Variants in MDGA2 observed in about 807,000 individuals in gnomAD.
MDGA2 encodes MAM domain containing glycosylphosphatidylinositol anchor 2.
In MDGA2, 40 loss-of-function variants were observed where a neutral mutation model predicts 117.8. The ratio of observed to expected loss-of-function variants is 0.34; its 90% CI spans 0.26 to 0.44. The LOEUF (loss-of-function observed/expected upper bound fraction) is 0.44. Among genes scored for constraint, MDGA2 ranks in the 20% least tolerant of loss-of-function variants. The pLI, the probability that MDGA2 is intolerant of heterozygous loss-of-function variation, is 1.00. For missense variants in MDGA2, 1,123 were observed against 1,250.6 expected (o/e 0.90, Z 1.54); for synonymous variants, 452 against 439.0 (o/e 1.03, Z -0.37).
intron 1 of MDGA2, among the ~76,000 whole-genome samples, chr14:47,560,746 A>G (rs983945603): frequency 2.6e-5 from 4 of 152,124 alleles, no homozygotes; most frequent in African/African-American, 9.7e-5. Context: ...TTTTGTTGAA[A>G]TTGCTTTTGG....
intron 5 of MDGA2, among the ~76,000 whole-genome samples, chr14:47,099,563 G>C (rs1454893266): frequency 2.6e-5 from 4 of 151,784 alleles, no homozygotes; most frequent in Admixed American, 2.6e-4. Context: ...ATATTACCTT[G>C]TATATTAGCC....
intron 6 of MDGA2, among the ~76,000 whole-genome samples, chr14:47,091,728 G>A (rs998881514): frequency 2.7e-5 from 4 of 147,806 alleles, no homozygotes; most frequent in African/African-American, 1.0e-4. Context: ...ATGTGTCTGA[G>A]TTCTAGTCAA....
At chr14:46,874,725 T>C (rs1404256657) in intron 12 of MDGA2, among the ~76,000 whole-genome samples, 1 of 151,888 alleles carries the variant, frequency 6.6e-6, no homozygotes, top group African/African-American at 2.4e-5. Flanking sequence ...AAAGTATTTA[T>C]CCTTCCTACT....
intron 1 of MDGA2, among the ~76,000 whole-genome samples, chr14:47,500,541 T>C (rs973298257): frequency 1.3e-5 from 2 of 151,952 alleles, no homozygotes; most frequent in African/African-American, 2.4e-5. Flanking sequence ...CCCAGAGAAA[T>C]AGCTGACTTT....
intron 1 of MDGA2, among the ~76,000 whole-genome samples, chr14:47,371,173 A>G (rs1891350271): frequency 6.6e-6 from 1 of 151,854 alleles, no homozygotes; most frequent in South Asian, 2.1e-4. Context: ...CTGCTAGGAC[A>G]TGCGATTTTG....
intron 5 of MDGA2, among the ~76,000 whole-genome samples, chr14:47,129,536 A>G (rs531510380): frequency 1.2e-4 from 17 of 143,522 alleles, no homozygotes; most frequent in African/African-American, 3.6e-4. Context: ...ATTGTGAATA[A>G]TGCCGCAATA....
At chr14:47,306,162 G>A (rs1339014252) in intron 1 of MDGA2, 1 of 152,234 alleles carries the variant, frequency 6.6e-6, no homozygotes, top group Non-Finnish European at 1.5e-5. Flanking sequence ...GATAATGGAG[G>A]AGAGATGCAT....
At chr14:46,873,310 T>A in intron 14 of MDGA2, 123 bp downstream of exon 14, 1 of 826,082 alleles carries the variant, frequency 1.2e-6, no homozygotes, top group Non-Finnish European at 1.7e-6. Context: ...TGCAGATAAA[T>A]CATTTAAAAA....
chr14:47,626,595 T>A (rs1420545297), intron 1 of MDGA2: 4 of 152,344 alleles, frequency 2.6e-5, no homozygotes, highest in Non-Finnish European at 5.9e-5. Context: ...CGCCCGGCGC[T>A]TGCGGGCCAG....
chr14:46,988,145 T>G (rs751651495), intron 8 of MDGA2, among the ~76,000 whole-genome samples: 2 of 151,852 alleles, frequency 1.3e-5, no homozygotes, highest in Non-Finnish European at 2.9e-5. Flanking sequence ...ATGAGAAGGG[T>G]TGTATTTTTT....
chr14:47,007,661 C>T (rs1442104826), intron 8 of MDGA2, among the ~76,000 whole-genome samples: 1 of 151,594 alleles, frequency 6.6e-6, no homozygotes, highest in Non-Finnish European at 1.5e-5. Flanking sequence ...TGTTTTTCCT[C>T]CAAGATTAGA....
intron 1 of MDGA2, among the ~76,000 whole-genome samples, chr14:47,549,324 G>A (rs1041109225): frequency 1.5e-5 from 2 of 131,846 alleles, no homozygotes; most frequent in Non-Finnish European, 3.4e-5. Context: ...AGTTCATGTT[G>A]ATAGGTTTCA....
intron 10 of MDGA2, among the ~76,000 whole-genome samples, chr14:46,907,361 C>T (rs1260507353): frequency 6.6e-6 from 1 of 152,118 alleles, no homozygotes; most frequent in Non-Finnish European, 1.5e-5. Flanking sequence ...TCCTCTCATT[C>T]TAACAATTTG....
chr14:47,026,003 C>A (rs546272974), intron 8 of MDGA2, among the ~76,000 whole-genome samples: 4 of 152,078 alleles, frequency 2.6e-5, no homozygotes, highest in Non-Finnish European at 5.9e-5. Flanking sequence ...GAATCTAAGA[C>A]CCTTGGTAGA....
At chr14:46,947,482 T>G (rs1447732409) in intron 9 of MDGA2, among the ~76,000 whole-genome samples, 1 of 152,080 alleles carries the variant, frequency 6.6e-6, no homozygotes, top group Non-Finnish European at 1.5e-5. Context: ...TTTGGCTGTG[T>G]CCCCACCCAA....
At chr14:47,496,440 G>A (rs1171506632) in intron 1 of MDGA2, among the ~76,000 whole-genome samples, 1 of 151,984 alleles carries the variant, frequency 6.6e-6, no homozygotes, top group Non-Finnish European at 1.5e-5. Flanking sequence ...AATGGGGTCA[G>A]GCTATGTTGC....
At chr14:47,219,835 T>C (rs1050069654) in intron 2 of MDGA2, among the ~76,000 whole-genome samples, 22 of 152,246 alleles carry the variant, frequency 1.4e-4, no homozygotes, top group African/African-American at 3.8e-4. Context: ...TGTGTATTCA[T>C]GTGTGTACAT....
intron 2 of MDGA2, among the ~76,000 whole-genome samples, chr14:47,298,328 C>G (rs1166795967): frequency 6.6e-6 from 1 of 151,960 alleles, no homozygotes; most frequent in African/African-American, 2.4e-5. Context: ...CATCACTAAA[C>G]AATATACCAT....
At chr14:47,472,120 T>A (rs952014888) in intron 1 of MDGA2, among the ~76,000 whole-genome samples, 1 of 152,148 alleles carries the variant, frequency 6.6e-6, no homozygotes, top group African/African-American at 2.4e-5. Flanking sequence ...GTATACGCAA[T>A]CCACTACCCC....
Sources: gnomAD v4.1 joint callset for allele counts (sites outside exome capture counted in the v4.1 genomes callset) on GRCh38, gnomAD v4.1.1 for gene constraint, MANE v1.5 for transcripts, NCBI Gene and HGNC (gene_info 2026-07-23, HGNC 2026-07-21) for gene names.